Variants in TENM3 observed in about 807,000 individuals in gnomAD.
TENM3 encodes teneurin transmembrane protein 3.
A neutral mutation model predicts 255.1 loss-of-function variants in TENM3; 63 were observed. That is an observed-to-expected ratio of 0.25 (90% CI 0.20 to 0.30). TENM3 has a LOEUF of 0.30. TENM3 is among the 10% of genes least tolerant of loss of function. The probability of loss-of-function intolerance (pLI) is 1.00; values close to 1 mark genes in which losing one functional copy is unlikely to be tolerated. For missense variants in TENM3, 2,929 were observed against 3,461.1 expected (o/e 0.85, Z 3.86); for synonymous variants, 1,306 against 1,322.3 (o/e 0.99, Z 0.27).
At chr4:181,866,549 G>A in the TENM3 span, among the ~76,000 whole-genome samples, 1 of 152,150 alleles carries the variant, frequency 6.6e-6, no homozygotes, top group Non-Finnish European at 1.5e-5. Flanking sequence ...ACCCTAGCCA[G>A]GCTAAGTCCT....
the TENM3 span, among the ~76,000 whole-genome samples, chr4:181,938,496 T>C: frequency 1.3e-5 from 2 of 152,264 alleles, no homozygotes; most frequent in African/African-American, 2.4e-5. Context: ...ATTGTCATTA[T>C]TATATGTTCA....
chr4:182,507,330 C>T (rs755793050), intron 3 of TENM3, among the ~76,000 whole-genome samples: 5 of 152,142 alleles, frequency 3.3e-5, no homozygotes, highest in Non-Finnish European at 5.9e-5. Context: ...ACCAGCTTTA[C>T]TGTTTTCTTT....
At chr4:182,200,019 C>A (rs1249982148) in intron 1 of TENM3, among the ~76,000 whole-genome samples, 1 of 152,026 alleles carries the variant, frequency 6.6e-6, no homozygotes, top group Admixed American at 6.6e-5. Flanking sequence ...GCCACTGTGC[C>A]CAGCCGCATA....
At chr4:181,751,464 C>G in the TENM3 span, among the ~76,000 whole-genome samples, 1 of 150,922 alleles carries the variant, frequency 6.6e-6, no homozygotes, top group Non-Finnish European at 1.5e-5. Flanking sequence ...AGTCTGCAAT[C>G]CAAGACTATT....
At chr4:182,090,625 G>A in the TENM3 span, among the ~76,000 whole-genome samples, 5 of 152,082 alleles carry the variant, frequency 3.3e-5, no homozygotes, top group East Asian at 1.9e-4. Flanking sequence ...ATATATATAC[G>A]TGTACATATA....
At chr4:182,469,272 A>G (rs776160500) in intron 3 of TENM3, among the ~76,000 whole-genome samples, 16 of 152,186 alleles carry the variant, frequency 1.1e-4, no homozygotes, top group Non-Finnish European at 1.0e-4. Flanking sequence ...CAATTTCATA[A>G]TTTTATTGTA....
chr4:182,211,595 C>A lies in TENM3; in HGVS notation c.-76+66841C>A, dbSNP rs185629470. Among the ~76,000 whole-genome samples the A allele has an allele frequency of 2.6e-5, 4 of 152,256 alleles. No homozygotes were observed. The East Asian group carries it at 7.7e-4, about 29-fold the overall frequency. On this transcript the variant is annotated intron_variant, in intron 1 of 2. Coordinates refer to the TENM3 transcript ENST00000512480. ...GGCTGTTCAGAAATCAAATCTATCA[C>A]CACCTATAAAAAATCATTATCAATT...
chr4:182,651,249 G>A (rs971428016), intron 5 of TENM3, among the ~76,000 whole-genome samples: 3 of 152,194 alleles, frequency 2.0e-5, no homozygotes, highest in African/African-American at 4.8e-5. Context: ...TGAAGCATCT[G>A]AAACCCTGAA....
At chr4:182,773,970 C>T (rs1189495874) in intron 23 of TENM3, 4 of 191,404 alleles carry the variant, frequency 2.1e-5, no homozygotes, top group East Asian at 1.3e-4. Context: ...GTCTTCTGAC[C>T]GCCATCTAAG....
At chr4:181,737,347 A>C in the TENM3 span, among the ~76,000 whole-genome samples, 6 of 152,166 alleles carry the variant, frequency 3.9e-5, no homozygotes, top group African/African-American at 4.8e-5. Flanking sequence ...CTACACATTT[A>C]AGCAATAAGA....
the TENM3 span, among the ~76,000 whole-genome samples, chr4:181,727,017 G>A: frequency 6.6e-6 from 1 of 152,150 alleles, no homozygotes; most frequent in Non-Finnish European, 1.5e-5. Flanking sequence ...ATGCGGGGAG[G>A]GACGTCACCC....
chr4:182,651,703 A>AAAAAAAAG (rs531671194), intron 5 of TENM3, among the ~76,000 whole-genome samples: 5 of 152,078 alleles, frequency 3.3e-5, no homozygotes, highest in Admixed American at 2.0e-4. Flanking sequence ...TCTCAGAAAA[A>AAAAAAAAG]AAAAAGAAAA....
the TENM3 span, among the ~76,000 whole-genome samples, chr4:181,585,284 G>T: frequency 2.2e-4 from 34 of 152,146 alleles, no homozygotes; most frequent in African/African-American, 7.7e-4. Context: ...AGTATGCAGA[G>T]AAAACAAATG....
At chr4:182,494,499 A>T (rs1412951540) in intron 3 of TENM3, among the ~76,000 whole-genome samples, 1 of 152,152 alleles carries the variant, frequency 6.6e-6, no homozygotes, top group African/African-American at 2.4e-5. Context: ...AGGACAAAGC[A>T]AGTATATATA....
At chr4:182,333,068 AAGAG>A (rs1763884657) in intron 2 of TENM3, among the ~76,000 whole-genome samples, 1 of 152,214 alleles carries the variant, frequency 6.6e-6, no homozygotes, top group African/African-American at 2.4e-5. Flanking sequence ...AGGTGATTAA[AAGAG>A]AGACCATTTC....
At chr4:182,348,869 AG>A (rs1765000620) in intron 3 of TENM3, among the ~76,000 whole-genome samples, 1 of 152,186 alleles carries the variant, frequency 6.6e-6, no homozygotes, top group African/African-American at 2.4e-5. Flanking sequence ...AAGGGAAGGA[AG>A]ACTTGTGAGT....
the TENM3 span, among the ~76,000 whole-genome samples, chr4:181,822,437 A>G: frequency 6.6e-6 from 1 of 152,218 alleles, no homozygotes; most frequent in Non-Finnish European, 1.5e-5. Context: ...TTTAAAGGAA[A>G]CAGACTTATT....
the TENM3 span, among the ~76,000 whole-genome samples, chr4:181,528,069 A>G: frequency 6.6e-6 from 1 of 152,050 alleles, no homozygotes; most frequent in African/African-American, 2.4e-5. Flanking sequence ...CCTTACATAC[A>G]TCTCTGATTA....
chr4:182,206,930 A>C (rs796757934), intron 1 of TENM3, among the ~76,000 whole-genome samples: 1 of 152,136 alleles, frequency 6.6e-6, no homozygotes, highest in East Asian at 1.9e-4. Context: ...ATTATCTCTA[A>C]GTCCCTGCAT....
Sources: allele counts gnomAD v4.1 joint callset (sites outside exome capture counted in the v4.1 genomes callset), GRCh38; gene constraint gnomAD v4.1.1; transcripts MANE v1.5; gene names NCBI Gene and HGNC (gene_info 2026-07-23, HGNC 2026-07-21).